Variants in FHOD3 observed in about 807,000 individuals in gnomAD.
The protein encoded by FHOD3 is FH1/FH2 domain-containing protein 3.
Under a neutral mutation model 173.0 loss-of-function variants are expected in FHOD3, and 90 were observed. The observed-to-expected ratio is 0.52, with a 90% CI of 0.44 to 0.62. The LOEUF (loss-of-function observed/expected upper bound fraction) is 0.62. Ranked by LOEUF, FHOD3 falls within the 20% of genes least tolerant of loss-of-function variation. The pLI, the probability that FHOD3 is intolerant of heterozygous loss-of-function variation, is 0.00. For synonymous variants in FHOD3, 828 were observed against 823.0 expected, an observed-to-expected ratio of 1.01 and a Z score of -0.10; for missense variants, 1,945 against 2,034.7, an observed-to-expected ratio of 0.96 and a Z score of 0.85.
At chr18:36,595,519 T>C (rs2030193493) in intron 7 of FHOD3, among the ~76,000 whole-genome samples, 1 of 151,918 alleles carries the variant, frequency 6.6e-6, no homozygotes, top group Non-Finnish European at 1.5e-5. Context: ...CCCCTTACCT[T>C]GGGCATGTGC....
intron 4 of FHOD3, among the ~76,000 whole-genome samples, chr18:36,509,426 C>CAAAAAAAAAAAAAAAAAAAAAAAAA: frequency 1.8e-5 from 1 of 54,854 alleles, no homozygotes; most frequent in Non-Finnish European, 3.7e-5. Context: ...GACTCCATCT[C>CAAAAAAAAAAAAAAAAAAAAAAAAA]AAAAAAAAAA....
chr18:36,371,474 A>G (rs2146074359), intron 2 of FHOD3, among the ~76,000 whole-genome samples: 1 of 152,284 alleles, frequency 6.6e-6, no homozygotes, highest in East Asian at 1.9e-4. Context: ...ATCAGATCTC[A>G]TGAGACTTAT....
intron 2 of FHOD3, among the ~76,000 whole-genome samples, chr18:36,372,043 G>C (rs2047219502): frequency 6.6e-6 from 1 of 152,214 alleles, no homozygotes; most frequent in African/African-American, 2.4e-5. Context: ...GCCCTAGTGG[G>C]AGTGGAACCT....
At chr18:36,298,374 G>T (rs2091862208) in intron 1 of FHOD3, among the ~76,000 whole-genome samples, 1 of 152,196 alleles carries the variant, frequency 6.6e-6, no homozygotes, top group South Asian at 2.1e-4. Flanking sequence ...CACCAAGCGG[G>T]GCGCGGGAAG....
At chr18:36,579,025 G>A (rs923746469) in intron 6 of FHOD3, among the ~76,000 whole-genome samples, 18 of 152,156 alleles carry the variant, frequency 1.2e-4, no homozygotes, top group African/African-American at 4.1e-4. Flanking sequence ...GGTGACCTTG[G>A]ACACTGAGTG....
chr18:36,647,457 C>A (rs143360065), intron 10 of FHOD3, among the ~76,000 whole-genome samples: 94 of 152,244 alleles, frequency 6.2e-4, no homozygotes, highest in Non-Finnish European at 1.1e-3. Flanking sequence ...ATTATCAGAT[C>A]TTGGCAAGAA....
chr18:36,716,096 G>A (rs1287331088), intron 18 of FHOD3, among the ~76,000 whole-genome samples: 3 of 152,238 alleles, frequency 2.0e-5, no homozygotes, highest in East Asian at 1.9e-4. Flanking sequence ...CACAGTGAAC[G>A]TTGGTGCTGT....
intron 5 of FHOD3, among the ~76,000 whole-genome samples, chr18:36,516,652 G>A (rs543831925): frequency 6.6e-6 from 1 of 152,356 alleles, no homozygotes; most frequent in African/African-American, 2.4e-5. Context: ...GCTGAGGCCG[G>A]AGGATCACTT....
At chr18:36,555,575 A>G (rs977111845) in intron 5 of FHOD3, among the ~76,000 whole-genome samples, 2 of 152,058 alleles carry the variant, frequency 1.3e-5, no homozygotes, top group African/African-American at 4.8e-5. Flanking sequence ...CCAGTCTTTT[A>G]TATACTTATT....
intron 3 of FHOD3, among the ~76,000 whole-genome samples, chr18:36,492,240 T>C (rs2054508245): frequency 6.6e-6 from 1 of 152,176 alleles, no homozygotes; most frequent in African/African-American, 2.4e-5. Context: ...GTGGTTCATT[T>C]TGTTCCATGT....
chr18:36,730,358 A>C (rs1209131755), intron 19 of FHOD3, among the ~76,000 whole-genome samples: 1 of 152,208 alleles, frequency 6.6e-6, no homozygotes, highest in East Asian at 1.9e-4. Context: ...CTATGGAAAA[A>C]ACAGATTTTT....
At chr18:36,701,454 T>A (rs2039584955) in intron 17 of FHOD3, among the ~76,000 whole-genome samples, 1 of 152,176 alleles carries the variant, frequency 6.6e-6, no homozygotes, top group African/African-American at 2.4e-5. Context: ...TAGCATTATA[T>A]ACATATTTAA....
At chr18:36,517,972 C>A (rs2056081112) in intron 5 of FHOD3, among the ~76,000 whole-genome samples, 1 of 151,968 alleles carries the variant, frequency 6.6e-6, no homozygotes, top group Non-Finnish European at 1.5e-5. Flanking sequence ...TTGATGGTAC[C>A]AGAAATGGAA....
At chr18:36,404,743 G>T (rs1435077676) in intron 3 of FHOD3, among the ~76,000 whole-genome samples, 7 of 152,182 alleles carry the variant, frequency 4.6e-5, no homozygotes, top group Non-Finnish European at 1.0e-4. Flanking sequence ...CTGAGCAGTT[G>T]TGTGCTTGCG....
Position 36,718,575 on chromosome 18 carries a change from G to T in FHOD3, c.3277G>T (p.Val1093Phe), listed in dbSNP as rs766811453. 2.5e-6 allele frequency: 4 copies of T among 1,614,086 alleles called. No homozygotes were observed. Among genetic ancestry groups the T allele is most frequent in the Middle Eastern group, 3.3e-4 (2 of 6,084 alleles). The stretch of plus-strand genomic sequence containing the variant: ...GACCATCCGTTTGTTCTGGAATGAA[G>T]TTCGGCCTTTTGACTGGCCATGTAA... ...KKTIRLFWNE[V>F]RPFDWPCKNN... is the part of the protein sequence containing the mutation. The change falls in exon 19 of 29, where the codon GTT becomes TTT. Residue 1093 changes from valine to phenylalanine, a missense_variant. Physicochemically the swap from Val to Phe is conservative, Grantham distance 50 (BLOSUM62 -1). This residue lies in a region of FHOD3 where 231 missense variants were observed against 321.9 expected (regional missense o/e 0.72). Transcript: ENST00000590592.
chr18:36,298,762 T>G (rs2091878387), intron 1 of FHOD3, among the ~76,000 whole-genome samples: 1 of 150,216 alleles, frequency 6.7e-6, no homozygotes, highest in Non-Finnish European at 1.5e-5. Flanking sequence ...TAGAGAGGTT[T>G]TTTTTTTTTT....
At chr18:36,462,077 A>G (rs1443951275) in intron 3 of FHOD3, among the ~76,000 whole-genome samples, 1 of 152,186 alleles carries the variant, frequency 6.6e-6, no homozygotes, top group Non-Finnish European at 1.5e-5. Flanking sequence ...TAAATCTGTT[A>G]TCATTACAGA....
At chr18:36,521,449 G>A (rs993738048) in intron 5 of FHOD3, among the ~76,000 whole-genome samples, 29 of 152,120 alleles carry the variant, frequency 1.9e-4, no homozygotes, top group African/African-American at 6.5e-4. Flanking sequence ...CCAACAAAGC[G>A]TAATCATTCA....
At chr18:36,479,131 T>G (rs567804348) in intron 3 of FHOD3, among the ~76,000 whole-genome samples, 1 of 152,212 alleles carries the variant, frequency 6.6e-6, no homozygotes, top group East Asian at 1.9e-4. Context: ...GTTGTTCACA[T>G]GTATTACAGA....
Sources: gnomAD v4.1 joint callset for allele counts (sites outside exome capture counted in the v4.1 genomes callset) on GRCh38, gnomAD v4.1.1 for gene constraint, gnomAD v4.1.1 regional missense constraint, MANE v1.5 for transcripts, NCBI Gene and HGNC (gene_info 2026-07-23, HGNC 2026-07-21) for gene names.